The following SLC14A2 variants were observed in gnomAD, a reference collection of about 807,000 sequenced individuals.
The protein encoded by SLC14A2 is solute carrier family 14 member 2, also known as urea transporter 2.
SLC14A2 carries 91 observed loss-of-function variants against 104.6 expected under a neutral mutation model. The observed-to-expected ratio is 0.87, with a 90% CI of 0.73 to 1.04. The LOEUF (loss-of-function observed/expected upper bound fraction) is 1.04, where lower values mean the gene tolerates loss of function less well. Among genes scored for constraint, SLC14A2 ranks in the 50% least tolerant of loss-of-function variants. SLC14A2 has a pLI of 0.00. For synonymous variants in SLC14A2, 476 were observed against 466.4 expected (o/e 1.02, Z -0.27); for missense variants, 1,189 against 1,156.0 (o/e 1.03, Z -0.41).
chr18:45,307,564 C>T (rs532575656), intron 1 of SLC14A2, among the ~76,000 whole-genome samples: 2 of 152,224 alleles, frequency 1.3e-5, no homozygotes, highest in Non-Finnish European at 2.9e-5. Context: ...GGCTGGCCCT[C>T]AGCTATGTTT....
rs183458454 is a variant in SLC14A2 at position 45,401,248 on chromosome 18, G to A, written c.-124-81985G>A. On this transcript the variant is annotated intron_variant, in intron 1 of 20. Transcript: ENST00000586448. ...ACATCTCTCTTTCCAGCTTTAATTT[G>A]TTTCTATCACTATCAGCACATAATG... Among the ~76,000 whole-genome samples, 32 of 152,104 alleles carry A rather than the reference G, an allele frequency of 2.1e-4. No individual in the cohort carries two copies. In the East Asian group the frequency reaches 6.0e-3, roughly 28 times the overall value.
At chr18:45,285,163 A>G (rs571332560) in intron 1 of SLC14A2, among the ~76,000 whole-genome samples, 2 of 152,288 alleles carry the variant, frequency 1.3e-5, no homozygotes, top group African/African-American at 2.4e-5. Flanking sequence ...GATACATTCT[A>G]TTGGTAGAAT....
At chr18:45,279,573 C>T (rs763451764) in intron 1 of SLC14A2, among the ~76,000 whole-genome samples, 6 of 152,210 alleles carry the variant, frequency 3.9e-5, no homozygotes, top group Middle Eastern at 3.4e-3. Context: ...TAGTTTACTT[C>T]CATCTCATGC....
At chr18:45,518,178 G>A (rs533306453) in intron 2 of SLC14A2, among the ~76,000 whole-genome samples, 2 of 152,262 alleles carry the variant, frequency 1.3e-5, no homozygotes, top group African/African-American at 2.4e-5. Flanking sequence ...ACAGTTCCGG[G>A]TTGCTCCAAG....
rs997864797 is a variant in SLC14A2 at position 45,663,887 on chromosome 18, C to G, written c.1454C>G (p.Ser485Cys). 2.5e-6 allele frequency: 4 copies of G among 1,613,136 alleles called. No homozygotes were observed. In the Admixed American group the frequency reaches 5.0e-5, roughly 20 times the overall value. The change falls in exon 11 of 20, where the codon TCC (serine) becomes TGC (cysteine). Residue 485 changes from serine to cysteine, a missense_variant. By Grantham distance (112) the Ser-to-Cys change is moderately radical. Transcript: ENST00000255226. ...AGTGTATTTCACATCGAGTGGTCAT[C>G]CATTCGGAGGAGGAGCAAAGGTGTG... ...HRSVFHIEWS[S>C]IRRRSKVFGK... is the part of the protein sequence containing the mutation.
At chr18:45,667,169 C>A in intron 13 of SLC14A2, 75 bp downstream of exon 13, 1 of 1,217,712 alleles carries the variant, frequency 8.2e-7, no homozygotes, top group Non-Finnish European at 1.2e-6. Context: ...AACCCATTGC[C>A]ATGGGGGTTC....
chr18:45,196,841 A>C, the SLC14A2 span, among the ~76,000 whole-genome samples: 1 of 152,234 alleles, frequency 6.6e-6, no homozygotes, highest in Non-Finnish European at 1.5e-5. Flanking sequence ...TACTTGGCGA[A>C]TAGAACTAAT....
chr18:45,480,662 C>A (rs1296717710), intron 1 of SLC14A2, among the ~76,000 whole-genome samples: 1 of 152,180 alleles, frequency 6.6e-6, no homozygotes, highest in Non-Finnish European at 1.5e-5. Context: ...CCTTACATGC[C>A]TGAAAACTCA....
intron 2 of SLC14A2, among the ~76,000 whole-genome samples, chr18:45,541,893 T>G (rs2144859031): frequency 6.6e-6 from 1 of 152,214 alleles, no homozygotes; most frequent in South Asian, 2.1e-4. Context: ...CAAAACAGGG[T>G]CTTGCACAAA....
intron 1 of SLC14A2, among the ~76,000 whole-genome samples, chr18:45,235,689 C>A (rs966253664): frequency 6.6e-6 from 1 of 151,130 alleles, no homozygotes; most frequent in African/African-American, 2.4e-5. Context: ...TGTTTCTGTC[C>A]CTGATTTATT....
At chr18:45,282,950 T>C (rs749901179) in intron 1 of SLC14A2, among the ~76,000 whole-genome samples, 2 of 152,182 alleles carry the variant, frequency 1.3e-5, no homozygotes, top group Non-Finnish European at 2.9e-5. Context: ...TTGTAAAATA[T>C]GCGTAGGGTG....
chr18:45,175,454 A>C, the SLC14A2 span, among the ~76,000 whole-genome samples: 1 of 152,084 alleles, frequency 6.6e-6, no homozygotes, highest in African/African-American at 2.4e-5. Flanking sequence ...TGTGGGCAAT[A>C]CCATTAGTTG....
At chr18:45,435,664 A>T (rs770565049) in intron 1 of SLC14A2, among the ~76,000 whole-genome samples, 9 of 152,132 alleles carry the variant, frequency 5.9e-5, no homozygotes, top group Non-Finnish European at 5.9e-5. Context: ...AACTCCAAAA[A>T]TACTGATTAA....
Position 45,414,757 on chromosome 18 carries a change from AATATATATAT to A in SLC14A2, c.-124-68446_-124-68437del, listed in dbSNP as rs71177674. On this transcript the variant is annotated intron_variant, in intron 1 of 20. Coordinates refer to the SLC14A2 transcript ENST00000586448. ...AGGCACCGAGCGTAAAAAAAAAAAAAATATATATATATATATATATATATATATATATATA... is the reference window on the plus strand; with the variant it reads ...AGGCACCGAGCGTAAAAAAAAAAAAAATATATATATATATATATATATATA... Among the ~76,000 whole-genome samples the A allele has an allele frequency of 5.3e-4, 40 of 76,110 alleles. 2 individuals carry two copies. Among genetic ancestry groups the A allele is most frequent in the East Asian group, 1.9e-3 (5 of 2,646 alleles). 49.9% of individuals were successfully genotyped at this position (76,110 alleles called of 152,430 possible). A position where few individuals can be genotyped will look rare whatever the true frequency, so the allele number is the denominator to read the frequency against.
chr18:45,285,441 C>T (rs56077944), intron 1 of SLC14A2, among the ~76,000 whole-genome samples: 10,515 of 151,964 alleles, frequency 0.069, 416 homozygotes, highest in South Asian at 0.1. Context: ...TTTTTTGAGA[C>T]GGAGTCTCAT....
chr18:45,668,260 G>GC, intron 14 of SLC14A2, 89 bp from the exon 15 acceptor site: 6 of 1,540,202 alleles, frequency 3.9e-6, no homozygotes, highest in Middle Eastern at 2.4e-4. Context: ...GTGTAGTCAG[G>GC]CCCCAGATAA....
intron 2 of SLC14A2, among the ~76,000 whole-genome samples, chr18:45,498,198 T>C (rs2043133762): frequency 6.6e-6 from 1 of 152,220 alleles, no homozygotes; most frequent in South Asian, 2.1e-4. Flanking sequence ...GTAGTGCAAG[T>C]TTTTAAAAAA....
chr18:45,292,713 C>T (rs151084985), intron 1 of SLC14A2, among the ~76,000 whole-genome samples: 3 of 152,098 alleles, frequency 2.0e-5, no homozygotes, highest in South Asian at 2.1e-4. Context: ...GTGGTGGGAC[C>T]GGCTACATTG....
intron 1 of SLC14A2, among the ~76,000 whole-genome samples, chr18:45,385,502 T>G (rs778362946): frequency 1.3e-5 from 2 of 152,146 alleles, no homozygotes; most frequent in Non-Finnish European, 2.9e-5. Context: ...AACCAGGTTG[T>G]TTCTAGAGAG....
Sources: gnomAD v4.1 joint callset for allele counts (sites outside exome capture counted in the v4.1 genomes callset) on GRCh38, gnomAD v4.1.1 for gene constraint, MANE v1.5 for transcripts, NCBI Gene and HGNC (gene_info 2026-07-23, HGNC 2026-07-21) for gene names.